The following GNAI1 variants were observed in gnomAD, a reference collection of about 807,000 sequenced individuals.
GNAI1 encodes G protein subunit alpha i1.
A neutral mutation model predicts 38.9 loss-of-function variants in GNAI1; 11 were observed. The observed-to-expected ratio is 0.28, with a 90% CI of 0.18 to 0.47. GNAI1 has a LOEUF of 0.47. Ranked by LOEUF, GNAI1 falls within the 20% of genes least tolerant of loss-of-function variation. GNAI1 has a pLI of 0.99. For missense variants in GNAI1, 317 were observed against 436.9 expected (o/e 0.73, Z 2.45); for synonymous variants, 166 against 145.1 (o/e 1.14, Z -1.04).
intron 1 of GNAI1, among the ~76,000 whole-genome samples, chr7:80,163,629 A>G (rs1046371028): frequency 6.6e-6 from 1 of 152,168 alleles, no homozygotes; most frequent in East Asian, 1.9e-4. Flanking sequence ...GAATTTTGAG[A>G]TATTTAGAGA....
At chr7:80,211,743 C>T (rs1402567071) in intron 6 of GNAI1, among the ~76,000 whole-genome samples, 3 of 152,060 alleles carry the variant, frequency 2.0e-5, no homozygotes, top group African/African-American at 7.2e-5. Context: ...ATATGTTATG[C>T]TTTGTTGCTG....
chr7:80,135,762 G>C, intron 1 of GNAI1: 1 of 981,054 alleles, frequency 1.0e-6, no homozygotes, highest in Non-Finnish European at 1.2e-6. Flanking sequence ...GGTGAAATCA[G>C]TGCACCTTTT....
chr7:80,192,419 T>A (rs1389801559), intron 3 of GNAI1, among the ~76,000 whole-genome samples: 1 of 152,214 alleles, frequency 6.6e-6, no homozygotes, highest in East Asian at 1.9e-4. Context: ...CGTCTATTCC[T>A]CAGTGACTTG....
At chr7:80,208,771 T>C (rs2115699711) in intron 5 of GNAI1, among the ~76,000 whole-genome samples, 1 of 152,354 alleles carries the variant, frequency 6.6e-6, no homozygotes, top group East Asian at 1.9e-4. Flanking sequence ...TGCAGCCTTC[T>C]ACACTTTGCT....
At position 80,144,966 on chromosome 7, in the gene GNAI1, G is replaced by A. The variant is rs141853775; in HGVS notation, c.118+9688G>A. Among the ~76,000 whole-genome samples the A allele has an allele frequency of 6.3e-3, 957 of 152,206 alleles. 2 individuals are homozygous for A. The highest frequency in any genetic ancestry group is 0.01 in the Non-Finnish European group (683 of 68,008). On this transcript the variant is annotated intron_variant, in intron 1 of 7. Transcript: ENST00000649796. ...TAATGGTGGTCAGTAAAGTTGCTGG[G>A]ACTATAAGATGGTGCTCCTCTAATT...
At chr7:80,213,021 A>T (rs1788900447) in intron 7 of GNAI1, 152 bp downstream of exon 7, 2 of 535,866 alleles carry the variant, frequency 3.7e-6, no homozygotes, top group Admixed American at 7.6e-5. Context: ...AGTTGAGCAT[A>T]AAAATTTCCT....
At chr7:80,152,056 CTA>C (rs1787736396) in intron 1 of GNAI1, among the ~76,000 whole-genome samples, 1 of 152,114 alleles carries the variant, frequency 6.6e-6, no homozygotes, top group Non-Finnish European at 1.5e-5. Flanking sequence ...TTAGTATACG[CTA>C]TTTCCTTCAG....
At position 80,225,583 on chromosome 7, in the gene GNAI1, A is replaced by G. The variant is rs1789146000; in HGVS notation, c.*8090A>G. On this transcript the variant is annotated 3_prime_UTR_variant, in exon 8 of 8. Coordinates refer to ENST00000649796, the MANE Select transcript of GNAI1 (RefSeq NM_002069.6). ...AAAAGCTTCTGAACTTATTTTGGAA[A>G]GAGTAGCTCCCTGGAGTGTGGAGGA... Among the ~76,000 whole-genome samples the G allele has an allele frequency of 1.3e-5, 2 of 152,324 alleles. No individual in the cohort carries two copies. The highest frequency in any genetic ancestry group is 2.4e-5 in the African/African-American group (1 of 41,588).
chr7:80,135,823 G>T lies in GNAI1; in HGVS notation c.118+545G>T, dbSNP rs528770653. On this transcript the variant is annotated intron_variant, in intron 1 of 7. Coordinates refer to ENST00000649796, the MANE Select transcript of GNAI1 (RefSeq NM_002069.6). ...GCGTCTTTCCTGTTAACTTCCTATG[G>T]CGACTCCTTAAGTGGTCAAGGAGCG... The T allele has an allele frequency of 2.2e-4, 221 of 985,224 alleles. 1 individual carries two copies. The African/African-American group carries it at 3.6e-3, about 16-fold the overall frequency. 61.0% of individuals were successfully genotyped at this position (985,224 alleles called of 1,614,324 possible).
Position 80,211,112 on chromosome 7 carries a change from C to A in GNAI1, c.720+14C>A. Reference sequence around the variant, plus strand: ...GATGAAGAAATGGCAAGTAGAACTACTTTAAGAGTTGAGCTTGAAACATGA... The same window carrying A: ...GATGAAGAAATGGCAAGTAGAACTAATTTAAGAGTTGAGCTTGAAACATGA... On this transcript the variant is annotated intron_variant, in intron 6 of 7. Coordinates refer to ENST00000649796, the MANE Select transcript of GNAI1 (RefSeq NM_002069.6). 1 of 1,609,770 alleles carries A rather than the reference C, an allele frequency of 6.2e-7. No homozygotes were observed. The highest frequency in any genetic ancestry group is 8.5e-7 in the Non-Finnish European group (1 of 1,176,686).
At chr7:80,180,248 A>G (rs961071402) in intron 1 of GNAI1, among the ~76,000 whole-genome samples, 1 of 152,212 alleles carries the variant, frequency 6.6e-6, no homozygotes, top group Non-Finnish European at 1.5e-5. Flanking sequence ...ATGTGTATGT[A>G]TAATTGTCAT....
chr7:80,212,315 T>A (rs1239144678), intron 6 of GNAI1, among the ~76,000 whole-genome samples: 1 of 152,218 alleles, frequency 6.6e-6, no homozygotes, highest in Non-Finnish European at 1.5e-5. Flanking sequence ...TAATTGGGTC[T>A]TAGCTTGTTC....
intron 4 of GNAI1, among the ~76,000 whole-genome samples, chr7:80,201,879 G>A (rs551694910): frequency 6.6e-6 from 1 of 152,242 alleles, no homozygotes; most frequent in African/African-American, 2.4e-5. Context: ...AGTGATTAGA[G>A]GGCATCGTGA....
At chr7:80,181,462 A>G (rs1248828267) in intron 1 of GNAI1, among the ~76,000 whole-genome samples, 3 of 152,238 alleles carry the variant, frequency 2.0e-5, no homozygotes, top group Non-Finnish European at 4.4e-5. Context: ...TGTTTTGCAG[A>G]AAACGTACAC....
chr7:80,157,057 A>G (rs1255742727), intron 1 of GNAI1, among the ~76,000 whole-genome samples: 1 of 152,232 alleles, frequency 6.6e-6, no homozygotes, highest in Non-Finnish European at 1.5e-5. Context: ...ATCCAGCATT[A>G]TAGAATCACA....
chr7:80,148,088 T>C (rs1787659502), intron 1 of GNAI1, among the ~76,000 whole-genome samples: 1 of 152,178 alleles, frequency 6.6e-6, no homozygotes, highest in African/African-American at 2.4e-5. Context: ...TCATTTGTCT[T>C]GATAGGCCTT....
intron 1 of GNAI1, among the ~76,000 whole-genome samples, chr7:80,158,052 C>T (rs536183941): frequency 6.6e-6 from 1 of 152,234 alleles, no homozygotes; most frequent in African/African-American, 2.4e-5. Context: ...TGCATATCTT[C>T]TTTGGTGAGG....
chr7:80,214,970 G>T (rs1052781520), intron 7 of GNAI1, among the ~76,000 whole-genome samples: 6 of 152,100 alleles, frequency 3.9e-5, no homozygotes, highest in Admixed American at 6.6e-5. Context: ...TTGTTGTTTG[G>T]TTGGTTGGGT....
At chr7:80,159,001 C>T (rs1048690600) in intron 1 of GNAI1, among the ~76,000 whole-genome samples, 1 of 152,190 alleles carries the variant, frequency 6.6e-6, no homozygotes, top group African/African-American at 2.4e-5. Context: ...GCCCACCACC[C>T]ACCACAGACA....
Sources: gnomAD v4.1 joint callset for allele counts (sites outside exome capture counted in the v4.1 genomes callset) on GRCh38, gnomAD v4.1.1 for gene constraint, MANE v1.5 for transcripts, NCBI Gene and HGNC (gene_info 2026-07-23, HGNC 2026-07-21) for gene names.